The following ADGRD1 variants were observed in gnomAD, a reference collection of about 807,000 sequenced individuals.
ADGRD1 encodes the protein G-protein coupled receptor 133.
Under a neutral mutation model 113.4 loss-of-function variants are expected in ADGRD1, and 77 were observed. The ratio of observed to expected loss-of-function variants is 0.68; its 90% CI spans 0.57 to 0.82. The LOEUF (loss-of-function observed/expected upper bound fraction) is 0.82. ADGRD1 is among the 40% of genes least tolerant of loss of function. The pLI, the probability that ADGRD1 is intolerant of heterozygous loss-of-function variation, is 0.00. For missense variants in ADGRD1, 1,036 were observed against 1,139.1 expected, an observed-to-expected ratio of 0.91 and a Z score of 1.30; for synonymous variants, 474 against 475.0, an observed-to-expected ratio of 1.00 and a Z score of 0.03.
chr12:131,109,039 A>G (rs898004155), intron 18 of ADGRD1, among the ~76,000 whole-genome samples, 162 bp downstream of exon 18: 1 of 152,008 alleles, frequency 6.6e-6, no homozygotes, highest in Non-Finnish European at 1.5e-5. Flanking sequence ...TGGGACAGGG[A>G]AAGTCAGATG....
chr12:131,133,405 A>G (rs1394343593), intron 21 of ADGRD1, among the ~76,000 whole-genome samples: 2 of 152,146 alleles, frequency 1.3e-5, no homozygotes, highest in South Asian at 2.1e-4. Flanking sequence ...GCTTCTGTCC[A>G]CTGCCTTTGC....
chr12:131,109,837 T>C (rs938152892), intron 18 of ADGRD1, among the ~76,000 whole-genome samples: 16 of 152,362 alleles, frequency 1.1e-4, no homozygotes, highest in Middle Eastern at 3.4e-3. Context: ...AAGTCACCAC[T>C]TGTTGTATTG....
At chr12:131,002,908 G>A in intron 9 of ADGRD1, 1 of 891,342 alleles carries the variant, frequency 1.1e-6, no homozygotes, top group Non-Finnish European at 1.6e-6. Context: ...CCAGGAGTTG[G>A]GTCCCCTCAG....
At chr12:131,008,516 C>T (rs868106115) in intron 12 of ADGRD1, among the ~76,000 whole-genome samples, 11 of 152,160 alleles carry the variant, frequency 7.2e-5, no homozygotes, top group African/African-American at 1.9e-4. Flanking sequence ...GGGCCTGGGC[C>T]GGAAGGAACT....
intron 2 of ADGRD1, among the ~76,000 whole-genome samples, chr12:130,958,585 T>G (rs1479285929): frequency 6.6e-6 from 1 of 152,190 alleles, no homozygotes; most frequent in Non-Finnish European, 1.5e-5. Flanking sequence ...CCTGGCTGTC[T>G]GTGTGAAGCA....
At chr12:130,997,940 G>A (rs980821773) in intron 8 of ADGRD1, among the ~76,000 whole-genome samples, 5 of 152,202 alleles carry the variant, frequency 3.3e-5, no homozygotes, top group Admixed American at 1.3e-4. Context: ...ACCAGACACC[G>A]TCTGCAATCC....
At chr12:131,015,911 G>C (rs1878516893) in intron 13 of ADGRD1, among the ~76,000 whole-genome samples, 1 of 152,180 alleles carries the variant, frequency 6.6e-6, no homozygotes, top group African/African-American at 2.4e-5. Context: ...AGACCTTCTG[G>C]GACTCAAGGT....
chr12:131,031,695 T>C (rs1617937), intron 13 of ADGRD1, among the ~76,000 whole-genome samples: 150,229 of 152,194 alleles, frequency 0.99, 74,149 homozygotes, highest in East Asian at 1. Flanking sequence ...GCCACCTCCA[T>C]GGATCTCTGT....
chr12:131,014,295 C>A lies in ADGRD1; in HGVS notation c.1428C>A (p.Asn476Lys), dbSNP rs1217609007. 1.2e-6 allele frequency: 2 copies of A among 1,614,146 alleles called. No individual in the cohort carries two copies. The highest frequency in any genetic ancestry group is 1.7e-5 in the Admixed American group (1 of 60,024). ...CCCCACCACCCACCCTGTCTCAGAA[C>A]CTGTCGGGCTCTCCACTCATTACGG... The part of the protein sequence containing the change: ...EVSPPPTLSQ[N>K]LSGSPLITVH... Residue 476 changes from asparagine (N) to lysine (K), a missense_variant, in exon 13 of 25, where the codon AAC becomes AAA. By Grantham distance (94) the Asn-to-Lys change is moderately conservative (BLOSUM62 0). Coordinates refer to ENST00000261654, the MANE Select transcript of ADGRD1 (RefSeq NM_198827.5).
At chr12:131,044,302 C>T (rs1009209815) in intron 13 of ADGRD1, among the ~76,000 whole-genome samples, 2 of 152,152 alleles carry the variant, frequency 1.3e-5, no homozygotes, top group Admixed American at 6.5e-5. Flanking sequence ...ACAAAAGCAT[C>T]GGGGCCGAGG....
rs1180325979 is a variant in ADGRD1 at position 131,112,712 on chromosome 12, G to C, written c.2041+3835G>C. Among the ~76,000 whole-genome samples, 3 of 152,250 alleles carry C rather than the reference G, an allele frequency of 2.0e-5. No individual in the cohort carries two copies. The East Asian group carries it at 5.8e-4, about 29-fold the overall frequency. On this transcript the variant is annotated intron_variant, in intron 18 of 24. Transcript: ENST00000261654. ...AGAATTCCTGAGGCACTGCTCTGGA[G>C]CTGCAGGCAAGGACAGTGGCCCACT...
chr12:130,983,765 T>C (rs537001325), intron 5 of ADGRD1, among the ~76,000 whole-genome samples: 3 of 152,306 alleles, frequency 2.0e-5, no homozygotes, highest in African/African-American at 4.8e-5. Context: ...GAAGCCCTGA[T>C]GTCATTCTGG....
At chr12:131,013,588 G>C (rs1878193104) in intron 12 of ADGRD1, among the ~76,000 whole-genome samples, 1 of 152,188 alleles carries the variant, frequency 6.6e-6, no homozygotes, top group Admixed American at 6.5e-5. Context: ...CCAGATACCA[G>C]GGCTTCCTCC....
intron 13 of ADGRD1, among the ~76,000 whole-genome samples, chr12:131,024,971 A>G (rs149477672): frequency 6.6e-6 from 1 of 152,202 alleles, no homozygotes; most frequent in Admixed American, 6.5e-5. Flanking sequence ...CCGTCTCTGC[A>G]GGCACTTCTC....
chr12:130,998,772 A>G (rs1413305988), intron 8 of ADGRD1, among the ~76,000 whole-genome samples: 4 of 152,060 alleles, frequency 2.6e-5, no homozygotes, highest in South Asian at 2.1e-4. Context: ...GCCCCATTCT[A>G]CAAGTTTCCA....
chr12:130,987,384 G>A (rs1283861621), intron 6 of ADGRD1, 35 bp downstream of exon 6: 1 of 1,611,244 alleles, frequency 6.2e-7, no homozygotes, highest in East Asian at 2.2e-5. Context: ...CAGATCCGCT[G>A]TCTGTTCCCA....
chr12:131,136,962 T>G lies in ADGRD1; in HGVS notation c.2395-11T>G. On this transcript the variant is annotated splice_polypyrimidine_tract_variant and intron_variant, in intron 22 of 24. Transcript: ENST00000261654. ...GGCTCTAATCTCTGCGTTTCTTCCCTTTCTTCCCAGGGACTGTTCATATTC... is the reference window on the plus strand; with the variant it reads ...GGCTCTAATCTCTGCGTTTCTTCCCGTTCTTCCCAGGGACTGTTCATATTC... 1 of 1,607,238 alleles carries G rather than the reference T, an allele frequency of 6.2e-7. No individual in the cohort carries two copies. The highest frequency in any genetic ancestry group is 8.5e-7 in the Non-Finnish European group (1 of 1,173,670).
At chr12:131,083,491 C>G (rs1484448975) in intron 14 of ADGRD1, among the ~76,000 whole-genome samples, 1 of 152,102 alleles carries the variant, frequency 6.6e-6, no homozygotes, top group Non-Finnish European at 1.5e-5. Context: ...CCTGTAGTCC[C>G]AGCTACTTGG....
chr12:131,084,338 C>T lies in ADGRD1; in HGVS notation c.1548-202C>T, dbSNP rs1371512363. 4.6e-5 allele frequency among the ~76,000 whole-genome samples: 7 copies of T among 152,196 alleles called. No homozygotes were observed. The East Asian group carries it at 1.4e-3, about 29-fold the overall frequency. On this transcript the variant is annotated intron_variant, in intron 14 of 24. Transcript: ENST00000261654. The surrounding 1 kb of genome is among the most constrained non-coding windows in gnomAD (Gnocchi z 4.5). ...CCTGTGGCCTGACCAGCAGCAGACA[C>T]TCTCCAGCTCTCGCCAGCCTGATGG...
Sources: gnomAD v4.1 joint callset for allele counts (sites outside exome capture counted in the v4.1 genomes callset) on GRCh38, gnomAD v4.1.1 for gene constraint, Gnocchi (gnomAD v3.1) non-coding constraint, MANE v1.5 for transcripts, NCBI Gene and HGNC (gene_info 2026-07-23, HGNC 2026-07-21) for gene names.